The following LMO3 variants were observed in gnomAD, a reference collection of about 807,000 sequenced individuals.
LMO3 encodes LIM domain only 3.
In LMO3, 2 loss-of-function variants were observed where a neutral mutation model predicts 15.8. The observed-to-expected ratio is 0.13, with a 90% confidence interval of 0.05 to 0.40. The LOEUF (loss-of-function observed/expected upper bound fraction) is 0.40, where lower values mean the gene tolerates loss of function less well. Ranked by LOEUF, LMO3 falls within the 10% of genes least tolerant of loss-of-function variation. The pLI is 0.99. For missense variants in LMO3, 86 were observed against 182.2 expected, an observed-to-expected ratio of 0.47 and a Z score of 3.04; for synonymous variants, 62 against 63.8, an observed-to-expected ratio of 0.97 and a Z score of 0.13.
Position 16,555,020 on chromosome 12 carries a change from C to T in LMO3, c.333-3693G>A, listed in dbSNP as rs148889208. Among the ~76,000 whole-genome samples, 1 of 152,170 alleles carries T rather than the reference C, an allele frequency of 6.6e-6. No homozygotes were observed. The highest frequency in any genetic ancestry group is 1.5e-5 in the Non-Finnish European group (1 of 68,030). On this transcript the variant is annotated intron_variant, in intron 3 of 3. Coordinates refer to ENST00000537304, the MANE Select transcript of LMO3 (RefSeq NM_018640.5). This position sits in a 1 kb window ranked among gnomAD's most constrained non-coding sequence, Gnocchi z 5.5. ...ACTGTAATCTTGGGCAAGTTACTTA[C>T]ATTTCCTATACTTTACTTTCCTCAT...
At chr12:16,592,522 A>G (rs1340267694) in intron 2 of LMO3, among the ~76,000 whole-genome samples, 1 of 152,030 alleles carries the variant, frequency 6.6e-6, no homozygotes, top group African/African-American at 2.4e-5. Context: ...TAACCTGCTC[A>G]TGGAAACTAA....
rs1943563732 is a variant in LMO3, at chr12:16,593,764, G to A, written c.206+6891C>T. On this transcript the variant is annotated intron_variant, in intron 2 of 3. Transcript: ENST00000537304. The surrounding 1 kb of genome is among the most constrained non-coding windows in gnomAD (Gnocchi z 4.2). The stretch of plus-strand genomic sequence containing the variant: ...AAGGGGGGAAAGGCATAAGCCAAAG[G>A]AATTGTTTTAAAGTTAGAAATGAAA... Among the ~76,000 whole-genome samples the A allele has an allele frequency of 6.6e-6, 1 of 151,684 alleles. No individual in the cohort carries two copies. Among genetic ancestry groups the A allele is most frequent in the Admixed American group, 6.6e-5 (1 of 15,208 alleles).
rs556602951 is a variant in LMO3, at chr12:16,566,135, C to A, written c.207-5597G>T. 6.1e-4 allele frequency among the ~76,000 whole-genome samples: 90 copies of A among 147,882 alleles called. 1 individual carries two copies. The highest frequency in any genetic ancestry group is 2.1e-3 in the African/African-American group (85 of 40,024). On this transcript the variant is annotated intron_variant, in intron 2 of 3. Transcript: ENST00000537304. ...AGGGCATCATGTTAAATGAAATAAG[C>A]CAGGCATAGATGGAAAAATACCTCA... is the stretch of plus-strand genomic sequence containing the variant.
chr12:16,607,468 C>T (rs1944036343), upstream of LMO3: 6 of 151,480 alleles, frequency 4.0e-5, no homozygotes, highest in South Asian at 1.0e-3. Flanking sequence ...TTCTCTCTAA[C>T]CTCCTCTCCT....
At position 16,594,155 on chromosome 12, in the gene LMO3, T is replaced by C. The variant is rs182149480; in HGVS notation, c.206+6500A>G. 10 of 1,532,614 alleles carry C rather than the reference T, an allele frequency of 6.5e-6. No individual in the cohort carries two copies. The Admixed American group carries it at 1.4e-4, about 21-fold the overall frequency. 94.9% of individuals were successfully genotyped at this position (1,532,614 alleles called of 1,614,324 possible). On this transcript the variant is annotated intron_variant, in intron 2 of 3. Coordinates refer to ENST00000537304, the MANE Select transcript of LMO3 (RefSeq NM_018640.5). ...AGCTTACCAAGCTATGGTGATTTGTTGGCTAAAGTCAATGATGACAAAAGG... is the reference window on the plus strand; with the variant it reads ...AGCTTACCAAGCTATGGTGATTTGTCGGCTAAAGTCAATGATGACAAAAGG...
chr12:16,597,568 C>T lies in LMO3; in HGVS notation c.206+3087G>A, dbSNP rs1275981398. On this transcript the variant is annotated intron_variant, in intron 2 of 3. Transcript: ENST00000537304. This position sits in a 1 kb window ranked among gnomAD's most constrained non-coding sequence, Gnocchi z 5.0. Reference sequence around the variant, plus strand: ...ATTGGCAAAAATATTTTACTTTTCACTGTATGTAAAAAATTATCTGGCCCA... The same window carrying T: ...ATTGGCAAAAATATTTTACTTTTCATTGTATGTAAAAAATTATCTGGCCCA... 1 of 151,730 alleles carries T rather than the reference C, an allele frequency of 6.6e-6. No homozygotes were observed. Among genetic ancestry groups the T allele is most frequent in the African/African-American group, 2.4e-5 (1 of 41,396 alleles). 9.4% of individuals were successfully genotyped at this position (151,730 alleles called of 1,614,324 possible).
intron 1 of LMO3, chr12:16,605,068 G>A (rs1453134111): frequency 4.7e-6 from 7 of 1,479,084 alleles, no homozygotes; most frequent in Middle Eastern, 2.1e-4. Flanking sequence ...GCGGCAGGGG[G>A]TGGGGGAAGG....
chr12:16,576,336 G>A lies in LMO3; in HGVS notation c.207-15798C>T, dbSNP rs1382082639. Among the ~76,000 whole-genome samples the A allele has an allele frequency of 2.6e-5, 4 of 152,112 alleles. 1 individual carries two copies. Among genetic ancestry groups the A allele is most frequent in the Admixed American group, 1.3e-4 (2 of 15,274 alleles). ...CATCACTGAGCCTCAGCCCCAATGTGCTGTCTACTCCCTGGACTCAGCATC... is the reference window on the plus strand; with the variant it reads ...CATCACTGAGCCTCAGCCCCAATGTACTGTCTACTCCCTGGACTCAGCATC... On this transcript the variant is annotated intron_variant, in intron 2 of 3. Coordinates refer to ENST00000537304, the MANE Select transcript of LMO3 (RefSeq NM_018640.5). The surrounding 1 kb of genome is among the most constrained non-coding windows in gnomAD (Gnocchi z 4.1).
chr12:16,605,827 C>G, intron 1 of LMO3: 3 of 1,535,490 alleles, frequency 2.0e-6, no homozygotes, highest in Non-Finnish European at 1.7e-6. Context: ...CCGCCTGCAT[C>G]TATTTCATGT....
In LMO3 at chr12:16,591,999, T is replaced by C. The variant is rs1192451924; in HGVS notation, c.206+8656A>G. Among the ~76,000 whole-genome samples the C allele has an allele frequency of 6.6e-6, 1 of 152,076 alleles. No individual in the cohort carries two copies. Among genetic ancestry groups the C allele is most frequent in the Non-Finnish European group, 1.5e-5 (1 of 67,970 alleles). ...AGTTATTTGACAATAATAGTGACTA[T>C]GTTTATCAGGTGTAGAAAATTTGAA... is the stretch of plus-strand genomic sequence containing the variant. On this transcript the variant is annotated intron_variant, in intron 2 of 3. Transcript: ENST00000537304. The surrounding 1 kb of genome is among the most constrained non-coding windows in gnomAD (Gnocchi z 4.1).
chr12:16,583,065 A>AC (rs1188274303), intron 2 of LMO3, among the ~76,000 whole-genome samples: 2 of 144,360 alleles, frequency 1.4e-5, no homozygotes, highest in African/African-American at 2.6e-5. Flanking sequence ...AAAAAAAAAA[A>AC]ATCTAAACTG....
chr12:16,605,186 T>C, intron 1 of LMO3: 1 of 1,349,018 alleles, frequency 7.4e-7, no homozygotes, highest in Non-Finnish European at 9.5e-7. Context: ...CCCGTAATCC[T>C]AAAATCCCAG....
At position 16,599,014 on chromosome 12, in the gene LMO3, T is replaced by C. The variant is rs1452065010; in HGVS notation, c.206+1641A>G. ...AAAGTCAAAAGGAGTCAAAAAGCTA[T>C]GACTATTGGTTAGTACAGATAAAGC... is the stretch of plus-strand genomic sequence containing the variant. On this transcript the variant is annotated intron_variant, in intron 2 of 3. Coordinates refer to ENST00000537304, the MANE Select transcript of LMO3 (RefSeq NM_018640.5). This position sits in a 1 kb window ranked among gnomAD's most constrained non-coding sequence, Gnocchi z 4.1. 1 of 251,806 alleles carries C rather than the reference T, an allele frequency of 4.0e-6. No individual in the cohort carries two copies. The highest frequency in any genetic ancestry group is 8.1e-6 in the Non-Finnish European group (1 of 123,846). The allele number at this position is 251,806 out of a possible 1,614,324, so 15.6% of individuals were successfully genotyped here.
chr12:16,607,120 T>G (rs925430692), upstream of LMO3: 1 of 152,278 alleles, frequency 6.6e-6, no homozygotes, highest in Non-Finnish European at 1.5e-5. Flanking sequence ...GCTCCGCAAG[T>G]CCGCCACACA....
In LMO3 at chr12:16,589,415, C is replaced by A. The variant is rs1943421272; in HGVS notation, c.206+11240G>T. On this transcript the variant is annotated intron_variant, in intron 2 of 3. Transcript: ENST00000537304. The surrounding 1 kb of genome is among the most constrained non-coding windows in gnomAD (Gnocchi z 4.2). ...CTTGTGGCTTTACTTTTACTTGTGA[C>A]TTCACAGTAAAAAATTAGGTCGTAG... 1 of 151,978 alleles carries A rather than the reference C, an allele frequency of 6.6e-6. No individual in the cohort carries two copies. The highest frequency in any genetic ancestry group is 6.6e-5 in the Admixed American group (1 of 15,250). The allele number at this position is 151,978 out of a possible 1,614,324, so 9.4% of individuals were successfully genotyped here.
In LMO3 at chr12:16,600,838, G is replaced by T; in HGVS notation, c.23C>A (p.Thr8Asn). The T allele has an allele frequency of 1.2e-6, 2 of 1,614,058 alleles. No individual in the cohort carries two copies. Among genetic ancestry groups the T allele is most frequent in the East Asian group, 2.2e-5 (1 of 44,874 alleles). MLSVQPD[T>N]KPKGCAGCNR... ...GCAGCCAGCACAACCTTTCGGCTTG[G>T]TGTCTGGCTGGACTGAGAGCATTTG... The change falls in exon 2 of 4, where the codon ACC becomes AAC. Residue 8 changes from threonine to asparagine, a missense_variant. By Grantham distance (65) the Thr-to-Asn change is moderately conservative. Transcript: ENST00000537304.
chr12:16,594,288 A>C, intron 2 of LMO3: 1 of 1,518,520 alleles, frequency 6.6e-7, no homozygotes, highest in Admixed American at 2.0e-5. Context: ...GCCATGTGTC[A>C]GCAGAAGTAA....
intron 2 of LMO3, chr12:16,567,518 A>G: frequency 6.6e-6 from 1 of 152,496 alleles, no homozygotes; most frequent in Non-Finnish European, 1.5e-5. Context: ...CTTGAATGAC[A>G]TGGCATTTCA....
At chr12:16,595,637 GC>G (rs1012035490) in intron 2 of LMO3, among the ~76,000 whole-genome samples, 20 of 151,458 alleles carry the variant, frequency 1.3e-4, no homozygotes, top group African/African-American at 4.8e-4. Context: ...TTATAAAGCT[GC>G]AAATAAGATA....
Sources: allele counts gnomAD v4.1 joint callset (sites outside exome capture counted in the v4.1 genomes callset), GRCh38; gene constraint gnomAD v4.1.1; non-coding constraint Gnocchi (gnomAD v3.1); transcripts MANE v1.5; gene names NCBI Gene and HGNC (gene_info 2026-07-23, HGNC 2026-07-21).